Variants in FRMD4A observed in about 807,000 individuals in gnomAD.
FRMD4A encodes FERM domain containing 4A.
FRMD4A carries 29 observed loss-of-function variants against 129.1 expected under a neutral mutation model. That is an observed-to-expected ratio of 0.22 (90% CI 0.17 to 0.31). FRMD4A has a LOEUF of 0.31. Ranked by LOEUF, FRMD4A falls within the 10% of genes least tolerant of loss-of-function variation. FRMD4A has a pLI of 1.00. For synonymous variants in FRMD4A, 634 were observed against 571.6 expected, an observed-to-expected ratio of 1.11 and a Z score of -1.56; for missense variants, 1,272 against 1,375.8, an observed-to-expected ratio of 0.92 and a Z score of 1.19.
chr10:14,111,109 C>T (rs1837877867), intron 2 of FRMD4A, among the ~76,000 whole-genome samples: 1 of 152,150 alleles, frequency 6.6e-6, no homozygotes, highest in African/African-American at 2.4e-5. Flanking sequence ...TCTTGCAAAA[C>T]AGAAATTTTG....
chr10:14,219,770 C>T (rs961291735), intron 2 of FRMD4A, among the ~76,000 whole-genome samples: 1 of 152,194 alleles, frequency 6.6e-6, no homozygotes, highest in African/African-American at 2.4e-5. Context: ...CATCCTCAGT[C>T]CAGACTCATT....
At chr10:13,902,093 T>C (rs1427249684) in intron 2 of FRMD4A, among the ~76,000 whole-genome samples, 1 of 152,204 alleles carries the variant, frequency 6.6e-6, no homozygotes, top group Non-Finnish European at 1.5e-5. Context: ...CATAGCTCAC[T>C]GTAACCTTGA....
chr10:14,313,048 GTATTTT>G (rs1212531865), intron 2 of FRMD4A, among the ~76,000 whole-genome samples: 1 of 151,888 alleles, frequency 6.6e-6, no homozygotes, highest in Non-Finnish European at 1.5e-5. Flanking sequence ...ACTTGTAAAC[GTATTTT>G]TATTTTTAAA....
intron 15 of FRMD4A, among the ~76,000 whole-genome samples, chr10:13,691,461 G>A (rs2134818355): frequency 6.6e-6 from 1 of 152,188 alleles, no homozygotes; most frequent in African/African-American, 2.4e-5. Flanking sequence ...CTTAAAACTG[G>A]GCACACCTGG....
At chr10:13,881,762 A>G (rs2094548579) in intron 2 of FRMD4A, among the ~76,000 whole-genome samples, 1 of 151,992 alleles carries the variant, frequency 6.6e-6, no homozygotes, top group African/African-American at 2.4e-5. Context: ...GTCACTGTCC[A>G]TAGGATCGAA....
chr10:13,790,377 A>G (rs2092971184), intron 5 of FRMD4A, among the ~76,000 whole-genome samples: 1 of 152,190 alleles, frequency 6.6e-6, no homozygotes, highest in Non-Finnish European at 1.5e-5. Flanking sequence ...GGGGCAGAGG[A>G]CGGAGAGTCT....
At chr10:13,959,471 TAAAAAAAAA>T (rs56192445) in intron 2 of FRMD4A, among the ~76,000 whole-genome samples, 3 of 53,110 alleles carry the variant, frequency 5.6e-5, no homozygotes, top group Non-Finnish European at 9.7e-5. Flanking sequence ...GACTGTTTCA[TAAAAAAAAA>T]AAAAAAAAAA....
At position 14,127,980 on chromosome 10, in the gene FRMD4A, T is replaced by TTTCTCTC. The variant is rs1564319427; in HGVS notation, c.45+202077_45+202078insGAGAGAA. ...TTTCTTTCTTTCTTTCTTTCTTTCC[T>TTTCTCTC]TCTCTCTCTCTCTCTCTCTCTTTCT... On this transcript the variant is annotated intron_variant, in intron 2 of 24. Transcript: ENST00000357447. Among the ~76,000 whole-genome samples the TTTCTCTC allele has an allele frequency of 1.1e-3, 21 of 19,372 alleles. 3 individuals are homozygous for TTTCTCTC. The highest frequency in any genetic ancestry group is 3.7e-3 in the East Asian group (3 of 800). The allele number at this position is 19,372 out of a possible 152,430, so 12.7% of individuals were successfully genotyped here.
rs141142036 is a variant in FRMD4A at position 13,986,102 on chromosome 10, C to T, written c.46-127190G>A. Among the ~76,000 whole-genome samples, 1,357 of 152,284 alleles carry T rather than the reference C, an allele frequency of 8.9e-3. 33 individuals are homozygous for T. Among genetic ancestry groups the T allele is most frequent in the African/African-American group, 0.031 (1,295 of 41,566 alleles). ...TCCACAGGCGTAGACATTACAGCCA[C>T]GGCAGCAACCCTCTCCCACCTGGGT... On this transcript the variant is annotated intron_variant, in intron 2 of 24. Coordinates refer to ENST00000357447, the MANE Select transcript of FRMD4A (RefSeq NM_018027.5).
chr10:13,855,968 T>A (rs971021441), intron 3 of FRMD4A, among the ~76,000 whole-genome samples: 1 of 151,770 alleles, frequency 6.6e-6, no homozygotes, highest in Non-Finnish European at 1.5e-5. Context: ...TTTCCATATA[T>A]ATAAATATAA....
chr10:14,073,193 T>C (rs894153689), intron 2 of FRMD4A, among the ~76,000 whole-genome samples: 8 of 152,164 alleles, frequency 5.3e-5, no homozygotes, highest in Admixed American at 2.0e-4. Flanking sequence ...ATGCCCTCCC[T>C]GGGGCTCTTA....
chr10:13,694,487 G>A (rs2086029625), intron 14 of FRMD4A, among the ~76,000 whole-genome samples: 1 of 152,142 alleles, frequency 6.6e-6, no homozygotes. Context: ...TATCTGCCTG[G>A]CACACAGCTC....
chr10:14,164,276 C>CCG (rs1000041458), intron 2 of FRMD4A, among the ~76,000 whole-genome samples: 1 of 152,204 alleles, frequency 6.6e-6, no homozygotes, highest in African/African-American at 2.4e-5. Context: ...AATAGGCCAG[C>CCG]CGCTCTGGCT....
intron 22 of FRMD4A, 80 bp from the exon 23 acceptor site, chr10:13,654,592 A>T: frequency 1.2e-6 from 1 of 866,516 alleles, no homozygotes; most frequent in Non-Finnish European, 1.9e-6. Context: ...TTGTTGGCTG[A>T]CACCAACCCA....
At chr10:14,179,493 C>G (rs1199495524) in intron 2 of FRMD4A, among the ~76,000 whole-genome samples, 1 of 152,148 alleles carries the variant, frequency 6.6e-6, no homozygotes, top group African/African-American at 2.4e-5. Context: ...CTTTTTCTCT[C>G]TGCCTCAACC....
chr10:13,776,410 C>G (rs532419381), intron 6 of FRMD4A, among the ~76,000 whole-genome samples: 4 of 152,126 alleles, frequency 2.6e-5, no homozygotes, highest in African/African-American at 9.7e-5. Flanking sequence ...TGTGCCTGGC[C>G]GTCTTCATCC....
intron 8 of FRMD4A, among the ~76,000 whole-genome samples, chr10:13,752,261 G>T (rs1037055350): frequency 6.6e-6 from 1 of 152,062 alleles, no homozygotes; most frequent in African/African-American, 2.4e-5. Context: ...TACTCCTCAC[G>T]AAACAAGGAA....
At chr10:14,325,967 AT>A (rs1843256701) in intron 2 of FRMD4A, among the ~76,000 whole-genome samples, 1 of 152,220 alleles carries the variant, frequency 6.6e-6, no homozygotes, top group Admixed American at 6.5e-5. Flanking sequence ...GACATTCTTC[AT>A]TCATTGTGGT....
At chr10:13,855,774 C>CA (rs1471139084) in intron 3 of FRMD4A, among the ~76,000 whole-genome samples, 1 of 152,026 alleles carries the variant, frequency 6.6e-6, no homozygotes, top group South Asian at 2.1e-4. Context: ...GAGGTGGGTC[C>CA]AGATGAGCTA....
Sources: allele counts gnomAD v4.1 joint callset (sites outside exome capture counted in the v4.1 genomes callset), GRCh38; gene constraint gnomAD v4.1.1; transcripts MANE v1.5; gene names NCBI Gene and HGNC (gene_info 2026-07-23, HGNC 2026-07-21).